The following RIMS1 variants were observed in gnomAD, a reference collection of about 807,000 sequenced individuals.
RIMS1 encodes the protein regulating synaptic membrane exocytosis protein 1.
Under a neutral mutation model 214.1 loss-of-function variants are expected in RIMS1, and 83 were observed. That is an observed-to-expected ratio of 0.39 (90% CI 0.32 to 0.47). The LOEUF (loss-of-function observed/expected upper bound fraction) is 0.47, where lower values mean the gene tolerates loss of function less well. Ranked by LOEUF, RIMS1 falls within the 20% of genes least tolerant of loss-of-function variation. The pLI is 0.99. For synonymous variants in RIMS1, 793 were observed against 786.8 expected, an observed-to-expected ratio of 1.01 and a Z score of -0.13; for missense variants, 2,050 against 2,161.8, an observed-to-expected ratio of 0.95 and a Z score of 1.03.
intron 19 of RIMS1, 150 bp from the exon 20 acceptor site, chr6:72,264,825 T>C (rs1262742750): frequency 1.8e-6 from 1 of 544,608 alleles, no homozygotes; most frequent in African/African-American, 2.0e-5. Flanking sequence ...TAGTCTTCCC[T>C]TCAAATAGTT....
chr6:72,300,875 A>G (rs1238001821), intron 26 of RIMS1, among the ~76,000 whole-genome samples: 4 of 151,730 alleles, frequency 2.6e-5, no homozygotes, highest in Admixed American at 2.0e-4. Context: ...GTGCTAAAAC[A>G]GGAGATGGTC....
chr6:72,264,283 A>G (rs1348325141), intron 19 of RIMS1, among the ~76,000 whole-genome samples: 2 of 152,198 alleles, frequency 1.3e-5, no homozygotes, highest in Non-Finnish European at 2.9e-5. Context: ...ACAGTCCAGA[A>G]ACCCTCACAG....
chr6:72,133,212 CT>C (rs370077502), intron 4 of RIMS1, among the ~76,000 whole-genome samples: 10 of 146,824 alleles, frequency 6.8e-5, no homozygotes, highest in African/African-American at 2.0e-4. Context: ...AGCTCTCTCT[CT>C]TTTTTTTCTT....
intron 4 of RIMS1, among the ~76,000 whole-genome samples, chr6:72,112,178 A>C (rs1425205335): frequency 6.6e-6 from 1 of 152,046 alleles, no homozygotes; most frequent in African/African-American, 2.4e-5. Flanking sequence ...CCAATTCATC[A>C]GGAATTTGGC....
At chr6:72,218,178 C>G (rs1367881674) in intron 6 of RIMS1, among the ~76,000 whole-genome samples, 1 of 150,878 alleles carries the variant, frequency 6.6e-6, no homozygotes, top group African/African-American at 2.4e-5. Flanking sequence ...TGAGGTGTCC[C>G]AAGGGCACCT....
At chr6:72,104,800 A>T (rs151169219) in intron 4 of RIMS1, among the ~76,000 whole-genome samples, 3,039 of 151,902 alleles carry the variant, frequency 0.02, 37 homozygotes, top group African/African-American at 0.032. Flanking sequence ...GTTTTTTTTT[A>T]AAAAATAATT....
intron 28 of RIMS1, among the ~76,000 whole-genome samples, chr6:72,332,754 C>A (rs927937534): frequency 2.7e-5 from 4 of 150,940 alleles, no homozygotes; most frequent in Non-Finnish European, 1.5e-5. Context: ...AACTCTCAGA[C>A]GTAGTTTACT....
intron 9 of RIMS1, among the ~76,000 whole-genome samples, chr6:72,241,899 A>C (rs1285369204): frequency 6.6e-6 from 1 of 152,224 alleles, no homozygotes; most frequent in Non-Finnish European, 1.5e-5. Context: ...ATTTATGCAC[A>C]GTTTAATAAG....
At chr6:71,947,600 G>A (rs1407683341) in intron 1 of RIMS1, among the ~76,000 whole-genome samples, 2 of 151,932 alleles carry the variant, frequency 1.3e-5, no homozygotes, top group Admixed American at 1.3e-4. Flanking sequence ...ATTTAGATAG[G>A]AGCAATAAGT....
intron 22 of RIMS1, among the ~76,000 whole-genome samples, chr6:72,267,884 A>C (rs1412614552): frequency 6.6e-6 from 1 of 152,156 alleles, no homozygotes; most frequent in Non-Finnish European, 1.5e-5. Flanking sequence ...ACCTTGAATA[A>C]AAGAAGAAAA....
intron 1 of RIMS1, among the ~76,000 whole-genome samples, chr6:71,914,341 T>A (rs1412516083): frequency 6.6e-6 from 1 of 152,082 alleles, no homozygotes; most frequent in East Asian, 1.9e-4. Context: ...GATTTCTTTT[T>A]TCCACAAAAA....
intron 2 of RIMS1, among the ~76,000 whole-genome samples, chr6:72,069,916 A>T (rs1830199375): frequency 6.6e-6 from 1 of 152,220 alleles, no homozygotes; most frequent in African/African-American, 2.4e-5. Context: ...AGAGGTGCAG[A>T]TACAGTGCTC....
At chr6:72,111,156 G>A (rs538396884) in intron 4 of RIMS1, among the ~76,000 whole-genome samples, 1 of 152,248 alleles carries the variant, frequency 6.6e-6, no homozygotes, top group South Asian at 2.1e-4. Context: ...AAGTTGCTTA[G>A]TTCTTTGTGT....
intron 1 of RIMS1, among the ~76,000 whole-genome samples, chr6:71,889,319 G>T (rs117262849): frequency 2.6e-3 from 395 of 152,302 alleles, no homozygotes; most frequent in African/African-American, 3.8e-3. Flanking sequence ...TTATAAGATT[G>T]TATGGGCTTA....
intron 6 of RIMS1, among the ~76,000 whole-genome samples, chr6:72,199,731 A>G (rs2051601324): frequency 6.6e-6 from 1 of 152,152 alleles, no homozygotes; most frequent in African/African-American, 2.4e-5. Context: ...AGATAAAACT[A>G]TTGGCTTCTG....
At chr6:72,219,403 T>C (rs1454395940) in intron 6 of RIMS1, among the ~76,000 whole-genome samples, 1 of 152,124 alleles carries the variant, frequency 6.6e-6, no homozygotes, top group Non-Finnish European at 1.5e-5. Context: ...AATTATATTA[T>C]GAGTGGGTCA....
intron 6 of RIMS1, among the ~76,000 whole-genome samples, chr6:72,196,282 C>T (rs1219556632): frequency 6.6e-6 from 1 of 151,926 alleles, no homozygotes; most frequent in Non-Finnish European, 1.5e-5. Context: ...GAACCTACTG[C>T]ATTATGAGTG....
chr6:72,311,695 C>T (rs1191124702), intron 27 of RIMS1, among the ~76,000 whole-genome samples: 1 of 152,048 alleles, frequency 6.6e-6, no homozygotes, highest in Non-Finnish European at 1.5e-5. Context: ...TCAACACATA[C>T]ACATGAGAGG....
intron 1 of RIMS1, among the ~76,000 whole-genome samples, chr6:71,964,520 G>A (rs971269342): frequency 2.6e-5 from 4 of 152,082 alleles, no homozygotes; most frequent in African/African-American, 9.7e-5. Flanking sequence ...GCTGATAAGT[G>A]GTCAAATTCT....
Sources: gnomAD v4.1 joint callset for allele counts (sites outside exome capture counted in the v4.1 genomes callset) on GRCh38, gnomAD v4.1.1 for gene constraint, MANE v1.5 for transcripts, NCBI Gene and HGNC (gene_info 2026-07-23, HGNC 2026-07-21) for gene names.